ARHGAP35: variants seen among roughly 807,000 people sequenced by gnomAD.
ARHGAP35 encodes the protein Rho GTPase activating protein 35.
In ARHGAP35, 15 loss-of-function variants were observed where a neutral mutation model predicts 111.1. The ratio of observed to expected loss-of-function variants is 0.13; its 90% CI spans 0.09 to 0.21. ARHGAP35 has a LOEUF of 0.21. ARHGAP35 is among the 10% of genes least tolerant of loss of function. ARHGAP35 has a pLI of 1.00. For synonymous variants in ARHGAP35, 643 were observed against 710.3 expected (o/e 0.91, Z 1.51); for missense variants, 1,262 against 1,873.0 (o/e 0.67, Z 6.02).
intron 1 of ARHGAP35, among the ~76,000 whole-genome samples, chr19:46,899,980 GC>G (rs2056076405): frequency 6.6e-6 from 1 of 152,074 alleles, no homozygotes; most frequent in Non-Finnish European, 1.5e-5. Context: ...ATGGCTTGGG[GC>G]AAGTAATTGG....
At position 46,921,843 on chromosome 19, in the gene ARHGAP35, A is replaced by C; in HGVS notation, c.3168A>C (p.Leu1056=). The C allele has an allele frequency of 6.2e-7, 1 of 1,614,008 alleles. No individual in the cohort carries two copies. The highest frequency in any genetic ancestry group is 8.5e-7 in the Non-Finnish European group (1 of 1,179,886). ...PVHFEITKGD[L]SYLDQGHRDG... ...ATTTTGAAATTACAAAGGGGGATCT[A>C]TCTTATTTAGACCAAGGCCATAGGG... is the stretch of plus-strand genomic sequence containing the variant. The change falls in exon 2 of 7, where the codon CTA becomes CTC. Residue 1056 remains leucine, a synonymous_variant. Transcript: ENST00000672722. The surrounding 1 kb of genome is among the most constrained non-coding windows in gnomAD (Gnocchi z 4.3).
At chr19:46,888,177 C>A (rs954249408) in intron 1 of ARHGAP35, among the ~76,000 whole-genome samples, 4 of 145,932 alleles carry the variant, frequency 2.7e-5, no homozygotes, top group African/African-American at 1.0e-4. Context: ...TGGTCTCGAT[C>A]TCCTGACCTT....
intron 5 of ARHGAP35, among the ~76,000 whole-genome samples, chr19:46,998,246 G>A (rs1283975186): frequency 2.0e-5 from 3 of 152,084 alleles, no homozygotes; most frequent in Non-Finnish European, 4.4e-5. Flanking sequence ...CCGAGCCCCC[G>A]GGCCCATTAG....
At chr19:46,916,424 C>T (rs768646741) in intron 1 of ARHGAP35, among the ~76,000 whole-genome samples, 1 of 145,902 alleles carries the variant, frequency 6.9e-6, no homozygotes, top group Non-Finnish European at 1.5e-5. Flanking sequence ...TCAGGTCTCA[C>T]CTGAGATGGA....
intron 1 of ARHGAP35, among the ~76,000 whole-genome samples, chr19:46,864,561 A>C (rs2055845479): frequency 6.6e-6 from 1 of 152,244 alleles, no homozygotes. Context: ...TGAAATAAAA[A>C]CATTCACTGT....
chr19:46,941,365 C>T (rs887452981), intron 3 of ARHGAP35, among the ~76,000 whole-genome samples: 11 of 151,984 alleles, frequency 7.2e-5, no homozygotes, highest in Non-Finnish European at 1.5e-4. Context: ...ATTCTCTGTT[C>T]TCCTTGTCTC....
intron 1 of ARHGAP35, among the ~76,000 whole-genome samples, chr19:46,904,136 G>T (rs959597913): frequency 6.6e-6 from 1 of 152,104 alleles, no homozygotes; most frequent in African/African-American, 2.4e-5. Context: ...GCACTGGGAT[G>T]GGGGTGGGAA....
At chr19:46,881,464 T>C (rs2055962134) in intron 1 of ARHGAP35, among the ~76,000 whole-genome samples, 1 of 152,182 alleles carries the variant, frequency 6.6e-6, no homozygotes, top group Non-Finnish European at 1.5e-5. Context: ...ATCTTGTACA[T>C]CTCCATCAGA....
chr19:46,917,533 A>C (rs1360157932), intron 1 of ARHGAP35, among the ~76,000 whole-genome samples: 1 of 152,146 alleles, frequency 6.6e-6, no homozygotes, highest in Non-Finnish European at 1.5e-5. Flanking sequence ...ACTTGAACCC[A>C]GGAGACGGAA....
chr19:46,998,538 C>G (rs907075796), intron 5 of ARHGAP35, among the ~76,000 whole-genome samples: 1 of 152,230 alleles, frequency 6.6e-6, no homozygotes, highest in African/African-American at 2.4e-5. Flanking sequence ...ACAGCTCAGG[C>G]CCCACAGCCA....
intron 1 of ARHGAP35, among the ~76,000 whole-genome samples, chr19:46,883,296 C>T (rs2055973736): frequency 6.7e-6 from 1 of 149,540 alleles, no homozygotes; most frequent in South Asian, 2.1e-4. Flanking sequence ...GACAGGGTTT[C>T]GCCATGTTGG....
chr19:46,911,726 T>C (rs1334528761), intron 1 of ARHGAP35, among the ~76,000 whole-genome samples: 1 of 152,200 alleles, frequency 6.6e-6, no homozygotes, highest in Non-Finnish European at 1.5e-5. Context: ...AAATGCCCTC[T>C]ATGTCTCACT....
chr19:46,887,279 T>C (rs1413805250), intron 1 of ARHGAP35, among the ~76,000 whole-genome samples: 1 of 152,216 alleles, frequency 6.6e-6, no homozygotes. Context: ...AAGGAATTTT[T>C]AAAAGCCTTT....
At chr19:46,906,887 G>A (rs60080767) in intron 1 of ARHGAP35, among the ~76,000 whole-genome samples, 2,403 of 152,226 alleles carry the variant, frequency 0.016, 63 homozygotes, top group African/African-American at 0.055. Context: ...CCAGGAGTTC[G>A]AGACTAGCCT....
At chr19:46,899,419 G>T (rs934947747) in intron 1 of ARHGAP35, among the ~76,000 whole-genome samples, 1 of 152,182 alleles carries the variant, frequency 6.6e-6, no homozygotes, top group African/African-American at 2.4e-5. Context: ...CCCATGTTGG[G>T]TGTGGTAGCT....
At chr19:46,877,832 A>G (rs2055934143) in intron 1 of ARHGAP35, among the ~76,000 whole-genome samples, 1 of 151,454 alleles carries the variant, frequency 6.6e-6, no homozygotes, top group Non-Finnish European at 1.5e-5. Context: ...TCAGCCTCCC[A>G]AGTAGCTGGG....
At chr19:46,975,369 G>C (rs2056574228) in intron 3 of ARHGAP35, among the ~76,000 whole-genome samples, 1 of 152,120 alleles carries the variant, frequency 6.6e-6, no homozygotes, top group African/African-American at 2.4e-5. Context: ...GGGTGCGCAG[G>C]AGAGGAGGCT....
chr19:46,983,065 A>AAAC (rs2056629832), intron 3 of ARHGAP35, among the ~76,000 whole-genome samples: 2 of 149,124 alleles, frequency 1.3e-5, no homozygotes, highest in African/African-American at 4.9e-5. Flanking sequence ...AAAAAAAAAA[A>AAAC]AAAAAAAAAA....
intron 2 of ARHGAP35, among the ~76,000 whole-genome samples, chr19:46,929,564 A>C (rs1296852708): frequency 7.1e-6 from 1 of 141,068 alleles, no homozygotes; most frequent in Non-Finnish European, 1.5e-5. Flanking sequence ...TCCAGACTAC[A>C]TTCCGTATAT....
Sources: gnomAD v4.1 joint callset for allele counts (sites outside exome capture counted in the v4.1 genomes callset) on GRCh38, gnomAD v4.1.1 for gene constraint, Gnocchi (gnomAD v3.1) non-coding constraint, MANE v1.5 for transcripts, NCBI Gene and HGNC (gene_info 2026-07-23, HGNC 2026-07-21) for gene names.